Variants in TBC1D19 observed in about 807,000 individuals in gnomAD.
The protein encoded by TBC1D19 is TBC1 domain family, member 19.
Under a neutral mutation model 89.0 loss-of-function variants are expected in TBC1D19, and 60 were observed. The observed-to-expected ratio is 0.67, with a 90% confidence interval of 0.55 to 0.84. The LOEUF (loss-of-function observed/expected upper bound fraction) is 0.84. Among genes scored for constraint, TBC1D19 ranks in the 40% least tolerant of loss-of-function variants. TBC1D19 has a pLI of 0.00. For synonymous variants in TBC1D19, 189 were observed against 199.7 expected, an observed-to-expected ratio of 0.95 and a Z score of 0.45; for missense variants, 500 against 610.8, an observed-to-expected ratio of 0.82 and a Z score of 1.91.
chr4:26,735,377 C>A, intron 15 of TBC1D19, 78 bp from the exon 16 acceptor site: 2 of 1,197,326 alleles, frequency 1.7e-6, no homozygotes, highest in South Asian at 1.5e-5. Context: ...TTTTTATTGT[C>A]AGTTTTAATC....
intron 8 of TBC1D19, among the ~76,000 whole-genome samples, chr4:26,665,245 A>G (rs1183175127): frequency 6.6e-6 from 1 of 152,200 alleles, no homozygotes; most frequent in Non-Finnish European, 1.5e-5. Context: ...TAAAATCTAT[A>G]CAAAATGAAA....
intron 4 of TBC1D19, among the ~76,000 whole-genome samples, chr4:26,632,018 C>T (rs1363869617): frequency 1.3e-5 from 2 of 151,966 alleles, no homozygotes; most frequent in East Asian, 3.8e-4. Flanking sequence ...ACAGAAAATA[C>T]CTGAATGAGC....
At chr4:26,698,591 CACACTACCTGACTTCAAACT>C (rs1255895637) in intron 13 of TBC1D19, among the ~76,000 whole-genome samples, 1 of 152,170 alleles carries the variant, frequency 6.6e-6, no homozygotes, top group African/African-American at 2.4e-5. Context: ...CTGGAGGCAT[CACACTACCTGACTTCAAACT>C]ACACTACAAG....
chr4:26,594,552 G>C (rs917920217), intron 1 of TBC1D19, among the ~76,000 whole-genome samples: 2 of 152,124 alleles, frequency 1.3e-5, no homozygotes, highest in African/African-American at 4.8e-5. Context: ...AAGGTCATTA[G>C]ACAGATAAAC....
chr4:26,795,069 G>A, the TBC1D19 span, among the ~76,000 whole-genome samples: 1 of 152,192 alleles, frequency 6.6e-6, no homozygotes, highest in Admixed American at 6.5e-5. Context: ...GAAACTTCCA[G>A]TGGCTTCCAC....
chr4:26,807,750 A>T, the TBC1D19 span, among the ~76,000 whole-genome samples: 1 of 152,320 alleles, frequency 6.6e-6, no homozygotes, highest in East Asian at 1.9e-4. Context: ...TCTCTAGGCC[A>T]GGCCATGGGT....
At chr4:26,646,834 T>C (rs1274647924) in intron 7 of TBC1D19, among the ~76,000 whole-genome samples, 2 of 152,104 alleles carry the variant, frequency 1.3e-5, no homozygotes, top group African/African-American at 4.8e-5. Context: ...ATACCTAATG[T>C]AAATGATAAG....
intron 15 of TBC1D19, among the ~76,000 whole-genome samples, chr4:26,730,029 G>A (rs577188120): frequency 6.6e-6 from 1 of 152,280 alleles, no homozygotes; most frequent in South Asian, 2.1e-4. Context: ...GTCAAAAACT[G>A]GTTAGAGAAC....
At chr4:26,595,630 C>A (rs1740158759) in intron 1 of TBC1D19, among the ~76,000 whole-genome samples, 1 of 151,336 alleles carries the variant, frequency 6.6e-6, no homozygotes, top group Non-Finnish European at 1.5e-5. Flanking sequence ...ATCTCTTGTC[C>A]CCCCACTCCC....
At chr4:26,760,722 T>A (rs754978378), downstream of TBC1D19, among the ~76,000 whole-genome samples, 1 of 152,230 alleles carries the variant, frequency 6.6e-6, no homozygotes, top group Non-Finnish European at 1.5e-5. Flanking sequence ...AAGTTTTAAT[T>A]TTGTTGAGAT....
chr4:26,627,125 T>G (rs1367755078), intron 4 of TBC1D19, among the ~76,000 whole-genome samples: 2 of 151,588 alleles, frequency 1.3e-5, no homozygotes, highest in Non-Finnish European at 2.9e-5. Flanking sequence ...CACCTATGAG[T>G]GAGAACATGC....
chr4:26,594,883 A>G (rs1021679995), intron 1 of TBC1D19, among the ~76,000 whole-genome samples: 3 of 152,162 alleles, frequency 2.0e-5, no homozygotes, highest in Admixed American at 1.3e-4. Context: ...AACAACAACA[A>G]CGAAAACCTG....
At chr4:26,749,622 T>G (rs1718843723) in intron 19 of TBC1D19, among the ~76,000 whole-genome samples, 1 of 152,054 alleles carries the variant, frequency 6.6e-6, no homozygotes. Flanking sequence ...AATTTTTGTA[T>G]TTTTAGTAGA....
Position 26,628,598 on chromosome 4 carries a change from A to T in TBC1D19, c.294+7910A>T, listed in dbSNP as rs192864501. ...TTGTTTGCAGATGACATAATTGTAT[A>T]TCTAGAAAACCCCACTGTCTCAGCC... On this transcript the variant is annotated intron_variant, in intron 4 of 20. Coordinates refer to ENST00000264866, the MANE Select transcript of TBC1D19 (RefSeq NM_018317.4). 7.6e-4 allele frequency among the ~76,000 whole-genome samples: 115 copies of T among 152,278 alleles called. 1 individual carries two copies. The highest frequency in any genetic ancestry group is 2.5e-3 in the African/African-American group (104 of 41,554).
At chr4:26,838,680 C>T in the TBC1D19 span, among the ~76,000 whole-genome samples, 1 of 152,184 alleles carries the variant, frequency 6.6e-6, no homozygotes, top group Non-Finnish European at 1.5e-5. Context: ...CTTTGTCAGA[C>T]TGGAGGAAGT....
the TBC1D19 span, among the ~76,000 whole-genome samples, chr4:26,822,023 A>G: frequency 6.6e-6 from 1 of 152,240 alleles, no homozygotes; most frequent in Non-Finnish European, 1.5e-5. Flanking sequence ...CAGATCACTT[A>G]GTCACATCAT....
chr4:26,739,767 A>G (rs572727256), intron 16 of TBC1D19, 97 bp from the exon 17 acceptor site: 1 of 670,640 alleles, frequency 1.5e-6, no homozygotes, highest in African/African-American at 1.9e-5. Context: ...GGTGTATATG[A>G]TTACTATAAA....
At chr4:26,694,014 C>T (rs548248382) in intron 13 of TBC1D19, among the ~76,000 whole-genome samples, 5 of 152,156 alleles carry the variant, frequency 3.3e-5, no homozygotes, top group African/African-American at 9.6e-5. Context: ...ACTGAGGTAC[C>T]GGGTTCACCT....
intron 4 of TBC1D19, among the ~76,000 whole-genome samples, chr4:26,634,682 T>C (rs954353903): frequency 6.6e-6 from 1 of 152,172 alleles, no homozygotes; most frequent in Non-Finnish European, 1.5e-5. Flanking sequence ...CTTTTTATAA[T>C]AGTTTTGTGT....
Sources: allele counts gnomAD v4.1 joint callset (sites outside exome capture counted in the v4.1 genomes callset), GRCh38; gene constraint gnomAD v4.1.1; transcripts MANE v1.5; gene names NCBI Gene and HGNC (gene_info 2026-07-23, HGNC 2026-07-21).